The following FSTL5 variants were observed in gnomAD, a reference collection of about 807,000 sequenced individuals.
The protein encoded by FSTL5 is follistatin-related protein 5.
Under a neutral mutation model 89.1 loss-of-function variants are expected in FSTL5, and 62 were observed. The observed-to-expected ratio is 0.70, with a 90% CI of 0.57 to 0.86. The LOEUF is 0.86. Ranked by LOEUF, FSTL5 falls within the 40% of genes least tolerant of loss-of-function variation. The pLI, the probability that FSTL5 is intolerant of heterozygous loss-of-function variation, is 0.00. For missense variants in FSTL5, 1,057 were observed against 1,001.6 expected (o/e 1.06, Z -0.75); for synonymous variants, 383 against 346.2 (o/e 1.11, Z -1.18).
chr4:161,966,351 C>T (rs749369108), intron 3 of FSTL5, among the ~76,000 whole-genome samples: 1 of 151,936 alleles, frequency 6.6e-6, no homozygotes, highest in Admixed American at 6.6e-5. Context: ...AAACACTAAA[C>T]GAATTACTCA....
chr4:161,920,689 C>G (rs1733972006), intron 3 of FSTL5, 37 bp from the exon 4 acceptor site: 4 of 1,568,140 alleles, frequency 2.6e-6, no homozygotes, highest in Middle Eastern at 3.4e-4. Context: ...TCGTTTGGTT[C>G]ATTTGTCCAA....
chr4:161,606,398 T>G (rs1734441696), intron 7 of FSTL5, among the ~76,000 whole-genome samples: 1 of 151,542 alleles, frequency 6.6e-6, no homozygotes, highest in Non-Finnish European at 1.5e-5. Flanking sequence ...CAGGCGTAAT[T>G]TTTTTTGTAT....
intron 6 of FSTL5, among the ~76,000 whole-genome samples, chr4:161,693,636 CTTTTTTT>C (rs5863476): frequency 9.5e-6 from 1 of 105,288 alleles, no homozygotes; most frequent in Non-Finnish European, 1.7e-5. Flanking sequence ...TCTTGTAAAT[CTTTTTTT>C]TTTTTTTTTT....
chr4:161,527,527 A>G (rs1731266900), intron 10 of FSTL5, among the ~76,000 whole-genome samples: 1 of 152,310 alleles, frequency 6.6e-6, no homozygotes, highest in African/African-American at 2.4e-5. Flanking sequence ...TTATGCAGCC[A>G]AAAAACACAT....
intron 6 of FSTL5, among the ~76,000 whole-genome samples, chr4:161,713,065 G>A (rs1738854433): frequency 1.3e-5 from 2 of 152,108 alleles, no homozygotes; most frequent in Admixed American, 6.5e-5. Context: ...CAGTTGCCAT[G>A]TCCAGACAAA....
intron 3 of FSTL5, among the ~76,000 whole-genome samples, chr4:161,976,415 G>A (rs540430056): frequency 2.0e-5 from 3 of 152,164 alleles, no homozygotes; most frequent in Admixed American, 2.0e-4. Context: ...TTCTCAGTGT[G>A]GGACTCAGGC....
At chr4:161,804,197 C>T (rs1729888322) in intron 4 of FSTL5, among the ~76,000 whole-genome samples, 1 of 151,884 alleles carries the variant, frequency 6.6e-6, no homozygotes, top group Admixed American at 6.6e-5. Flanking sequence ...TTTAAGAGCT[C>T]TTGTGATTAG....
chr4:162,136,160 G>A (rs1403503273), intron 1 of FSTL5, among the ~76,000 whole-genome samples: 1 of 151,718 alleles, frequency 6.6e-6, no homozygotes, highest in Non-Finnish European at 1.5e-5. Flanking sequence ...AATTCCCCCA[G>A]CAAGAAATAA....
intron 6 of FSTL5, among the ~76,000 whole-genome samples, chr4:161,719,018 A>C (rs1739100756): frequency 6.6e-6 from 1 of 152,226 alleles, no homozygotes; most frequent in Admixed American, 6.5e-5. Context: ...CATTGGTAAC[A>C]GTTGGGATAT....
At position 162,095,626 on chromosome 4, in the gene FSTL5, T is replaced by C. The variant is rs1302906121; in HGVS notation, c.126+15645A>G. ...AAAATGGGTTTTTAACTGTAGCACA[T>C]AAACCAAATTTATTTATGTTCTTAA... is the stretch of plus-strand genomic sequence containing the variant. On this transcript the variant is annotated intron_variant, in intron 2 of 15. Coordinates refer to ENST00000306100, the MANE Select transcript of FSTL5 (RefSeq NM_020116.5). Among the ~76,000 whole-genome samples the C allele has an allele frequency of 2.6e-5, 4 of 152,032 alleles. No homozygotes were observed. In the East Asian group the frequency reaches 5.8e-4, roughly 22 times the overall value.
At chr4:161,618,008 G>A (rs572266996) in intron 7 of FSTL5, among the ~76,000 whole-genome samples, 1 of 152,126 alleles carries the variant, frequency 6.6e-6, no homozygotes, top group East Asian at 1.9e-4. Flanking sequence ...TTGATGAGTG[G>A]TTTGTAGTTC....
chr4:162,108,146 G>A (rs893988822), intron 2 of FSTL5, among the ~76,000 whole-genome samples: 3 of 151,934 alleles, frequency 2.0e-5, no homozygotes, highest in Admixed American at 6.6e-5. Flanking sequence ...ACATATGATC[G>A]GTTTCCTCTC....
At chr4:162,103,204 G>A (rs1731072486) in intron 2 of FSTL5, among the ~76,000 whole-genome samples, 1 of 152,182 alleles carries the variant, frequency 6.6e-6, no homozygotes, top group African/African-American at 2.4e-5. Flanking sequence ...TCCAGTGAAT[G>A]CCAGTTTTCT....
At chr4:162,075,575 G>A (rs1293797420) in intron 2 of FSTL5, among the ~76,000 whole-genome samples, 1 of 151,814 alleles carries the variant, frequency 6.6e-6, no homozygotes, top group Non-Finnish European at 1.5e-5. Context: ...TTAAGTGGAG[G>A]ATCTGAGGAT....
At chr4:161,685,851 C>T (rs1316272913) in intron 6 of FSTL5, among the ~76,000 whole-genome samples, 2 of 152,050 alleles carry the variant, frequency 1.3e-5, no homozygotes, top group Non-Finnish European at 2.9e-5. Flanking sequence ...TTTTGGAATG[C>T]TTTCAACTTT....
At chr4:161,453,428 A>G (rs1187201300) in intron 15 of FSTL5, among the ~76,000 whole-genome samples, 1 of 152,136 alleles carries the variant, frequency 6.6e-6, no homozygotes, top group Admixed American at 6.6e-5. Context: ...TTAAATATGT[A>G]TAAGAACTTC....
intron 6 of FSTL5, among the ~76,000 whole-genome samples, chr4:161,716,311 C>T (rs1221348928): frequency 6.6e-6 from 1 of 152,064 alleles, no homozygotes; most frequent in Non-Finnish European, 1.5e-5. Context: ...TAAAATAGCA[C>T]TTCCAGCCAG....
chr4:161,709,345 T>C (rs2126738067), intron 6 of FSTL5, among the ~76,000 whole-genome samples: 1 of 152,278 alleles, frequency 6.6e-6, no homozygotes, highest in South Asian at 2.1e-4. Context: ...GTTTCTAATA[T>C]AATCTTATTG....
intron 1 of FSTL5, among the ~76,000 whole-genome samples, chr4:162,158,517 T>A (rs931000294): frequency 2.0e-5 from 3 of 152,062 alleles, no homozygotes; most frequent in African/African-American, 4.8e-5. Context: ...AAAGAGATTA[T>A]CATAGTAAAA....
Sources: allele counts gnomAD v4.1 joint callset (sites outside exome capture counted in the v4.1 genomes callset), GRCh38; gene constraint gnomAD v4.1.1; transcripts MANE v1.5; gene names NCBI Gene and HGNC (gene_info 2026-07-23, HGNC 2026-07-21).